Variants in ANOS1 observed in about 807,000 individuals in gnomAD.
The protein encoded by ANOS1 is anosmin-1.
ANOS1 carries 6 observed loss-of-function variants against 59.0 expected under a neutral mutation model. That is an observed-to-expected ratio of 0.10 (90% CI 0.06 to 0.20). The LOEUF (loss-of-function observed/expected upper bound fraction) is 0.20, where lower values mean the gene tolerates loss of function less well. Among genes scored for constraint, ANOS1 ranks in the 10% least tolerant of loss-of-function variants. The pLI is 1.00. For synonymous variants in ANOS1, 217 were observed against 223.4 expected (o/e 0.97, Z 0.25); for missense variants, 433 against 542.3 (o/e 0.80, Z 2.00).
chrX:8,613,088 A>C (rs62584205), intron 3 of ANOS1, among the ~76,000 whole-genome samples: 42,629 of 111,556 alleles, frequency 0.38, 5,817 homozygotes, highest in South Asian at 0.43. Flanking sequence ...CATGTTTACA[A>C]TGCATTGGGG....
At chrX:8,619,747 A>G (rs1000097661) in intron 3 of ANOS1, among the ~76,000 whole-genome samples, 1 of 112,520 alleles carries the variant, frequency 8.9e-6, no homozygotes, top group African/African-American at 3.2e-5. Flanking sequence ...AAATGAACCA[A>G]TTCTAGGTAT....
chrX:8,641,870 T>A lies in ANOS1; in HGVS notation c.256-18200A>T, dbSNP rs1004252691. Among the ~76,000 whole-genome samples the A allele has an allele frequency of 2.7e-4, 30 of 111,876 alleles. No homozygotes were observed. In the South Asian group the frequency reaches 3.0e-3, roughly 11 times the overall value. On this transcript the variant is annotated intron_variant, in intron 2 of 13. Transcript: ENST00000262648. ...ATTCTGCCGGGTTTTTTTCCCCCTG[T>A]TGTCTGGGATTTTATTTTATTAGGT...
At chrX:8,623,475 T>C in intron 3 of ANOS1, 133 bp downstream of exon 3, 1 of 533,493 alleles carries the variant, frequency 1.9e-6, no homozygotes. Flanking sequence ...AATTTACGTA[T>C]ATCCACACAC....
chrX:8,716,842 G>A (rs1172260897), intron 1 of ANOS1, among the ~76,000 whole-genome samples: 1 of 112,161 alleles, frequency 8.9e-6, no homozygotes, highest in Non-Finnish European at 1.9e-5. Context: ...GCCATAGAGT[G>A]GAAGCAAAAC....
At chrX:8,630,629 G>A (rs16985071) in intron 2 of ANOS1, among the ~76,000 whole-genome samples, 3,442 of 111,545 alleles carry the variant, frequency 0.031, 106 homozygotes, top group African/African-American at 0.095. Flanking sequence ...GTATGGAGTG[G>A]GGAGTATGGT....
At chrX:8,580,172 C>T (rs1442345799) in intron 6 of ANOS1, among the ~76,000 whole-genome samples, 3 of 112,156 alleles carry the variant, frequency 2.7e-5, no homozygotes, top group African/African-American at 9.7e-5. Context: ...CCAGGAATGA[C>T]CTGTGAAGGT....
chrX:8,553,597 C>A (rs1322893195), intron 9 of ANOS1, among the ~76,000 whole-genome samples: 1 of 111,067 alleles, frequency 9.0e-6, no homozygotes, highest in East Asian at 2.8e-4. Context: ...ACTTTCCCCC[C>A]CTACTTTCTA....
At chrX:8,549,872 A>C (rs1166462911) in intron 9 of ANOS1, among the ~76,000 whole-genome samples, 3 of 112,272 alleles carry the variant, frequency 2.7e-5, no homozygotes, top group African/African-American at 9.7e-5. Context: ...AACAACAAAA[A>C]CTTTGCAAGT....
chrX:8,699,748 G>T lies in ANOS1; in HGVS notation c.208-3C>A. On this transcript the variant is annotated splice_polypyrimidine_tract_variant and splice_region_variant and intron_variant, in intron 1 of 13. Transcript: ENST00000262648. ...CACCAAACCAGGGAACCATTGTTCT[G>T]CAAAAAGAAAAAGGAAAAATATTGA... 8.4e-7 allele frequency: 1 copy of T among 1,186,318 alleles called. No individual in the cohort carries two copies. Among genetic ancestry groups the T allele is most frequent in the South Asian group, 1.8e-5 (1 of 55,701 alleles).
At chrX:8,624,414 G>A (rs1408614394) in intron 2 of ANOS1, among the ~76,000 whole-genome samples, 1 of 111,399 alleles carries the variant, frequency 9.0e-6, no homozygotes, top group Non-Finnish European at 1.9e-5. Context: ...GCTATTTTTT[G>A]TACACTCTTC....
intron 1 of ANOS1, among the ~76,000 whole-genome samples, chrX:8,720,188 G>A (rs73477327): frequency 0.024 from 2,695 of 111,649 alleles, 89 homozygotes; most frequent in African/African-American, 0.084. Context: ...CACTGAGCTC[G>A]TGGAAATGGC....
At chrX:8,574,517 G>T (rs1426998156) in intron 6 of ANOS1, among the ~76,000 whole-genome samples, 1 of 111,236 alleles carries the variant, frequency 9.0e-6, no homozygotes, top group East Asian at 2.8e-4. Context: ...ATCTGGGTGG[G>T]CACCATTCCA....
chrX:8,673,605 A>G (rs557640166), intron 2 of ANOS1, among the ~76,000 whole-genome samples: 2 of 109,387 alleles, frequency 1.8e-5, no homozygotes, highest in South Asian at 8.1e-4. Flanking sequence ...GTTCTGAAGA[A>G]CTCCCCTGCA....
chrX:8,574,335 G>T (rs774589891), intron 6 of ANOS1, among the ~76,000 whole-genome samples: 15 of 107,931 alleles, frequency 1.4e-4, no homozygotes, highest in African/African-American at 4.7e-4. Context: ...CCATGATTAT[G>T]CCTTGCTTTA....
intron 2 of ANOS1, among the ~76,000 whole-genome samples, chrX:8,698,523 T>C (rs1932716709): frequency 8.9e-6 from 1 of 112,294 alleles, no homozygotes; most frequent in Non-Finnish European, 1.9e-5. Context: ...TCTGGAATGA[T>C]GGCATGAAAA....
chrX:8,570,893 CTT>C (rs1930219901), intron 6 of ANOS1, among the ~76,000 whole-genome samples, 189 bp from the exon 7 acceptor site: 1 of 110,944 alleles, frequency 9.0e-6, no homozygotes, highest in African/African-American at 3.3e-5. Flanking sequence ...TGGCAGATAT[CTT>C]GAGCTCAGGA....
chrX:8,614,866 A>AAAAAATATAAAAAAATTTTTATATTTTAT (rs750685412), intron 3 of ANOS1, among the ~76,000 whole-genome samples: 1 of 104,625 alleles, frequency 9.6e-6, no homozygotes, highest in Admixed American at 1.0e-4. Context: ...GAGTAATATA[A>AAAAAATATAAAAAAATTTTTATATTTTAT]GAAAAATATA....
At chrX:8,608,663 T>A (rs183266167) in intron 3 of ANOS1, among the ~76,000 whole-genome samples, 30 of 112,366 alleles carry the variant, frequency 2.7e-4, no homozygotes, top group Non-Finnish European at 5.3e-4. Context: ...AAATCTCATC[T>A]TGAATTGTAG....
chrX:8,729,983 T>C (rs1173607670), intron 1 of ANOS1, among the ~76,000 whole-genome samples: 1 of 111,189 alleles, frequency 9.0e-6, no homozygotes, highest in African/African-American at 3.3e-5. Context: ...ATCAGGATTG[T>C]CTAGCAATGT....
Sources: allele counts gnomAD v4.1 joint callset (sites outside exome capture counted in the v4.1 genomes callset), GRCh38; gene constraint gnomAD v4.1.1; transcripts MANE v1.5; gene names NCBI Gene and HGNC (gene_info 2026-07-23, HGNC 2026-07-21).